Variants in ANK2 observed in about 807,000 individuals in gnomAD.
The protein encoded by ANK2 is ankyrin-2.
ANK2 carries 83 observed loss-of-function variants against 360.5 expected under a neutral mutation model. The observed-to-expected ratio is 0.23, with a 90% CI of 0.19 to 0.28. The LOEUF is 0.28. Among genes scored for constraint, ANK2 ranks in the 10% least tolerant of loss-of-function variants. ANK2 has a pLI of 1.00. For missense variants in ANK2, 4,201 were observed against 4,795.7 expected (o/e 0.88, Z 3.66); for synonymous variants, 1,740 against 1,759.5 (o/e 0.99, Z 0.28).
chr4:112,968,332 G>A (rs1383127168), intron 2 of ANK2, among the ~76,000 whole-genome samples: 2 of 152,122 alleles, frequency 1.3e-5, no homozygotes, highest in Non-Finnish European at 2.9e-5. Context: ...CATGGACCAG[G>A]CCCGTCCAAC....
chr4:113,212,059 C>T (rs1181956567), intron 4 of ANK2, among the ~76,000 whole-genome samples: 3 of 152,154 alleles, frequency 2.0e-5, no homozygotes, highest in Non-Finnish European at 4.4e-5. Context: ...TTTATTACAG[C>T]TTAATACATA....
chr4:113,050,298 GTGA>G (rs2066362641), intron 1 of ANK2, among the ~76,000 whole-genome samples: 1 of 152,172 alleles, frequency 6.6e-6, no homozygotes, highest in Non-Finnish European at 1.5e-5. Flanking sequence ...AAAGACTGCT[GTGA>G]CAGGAGAAAT....
intron 11 of ANK2, among the ~76,000 whole-genome samples, chr4:113,256,314 T>A (rs1004156982): frequency 1.3e-5 from 2 of 152,210 alleles, no homozygotes; most frequent in African/African-American, 2.4e-5. Context: ...AATTTATTAA[T>A]CTCTTTTTGG....
chr4:113,052,135 A>G (rs1265965437), intron 1 of ANK2, among the ~76,000 whole-genome samples: 2 of 152,212 alleles, frequency 1.3e-5, no homozygotes, highest in Admixed American at 6.5e-5. Flanking sequence ...ATTGTTTCAC[A>G]TTATTTTGCA....
intron 1 of ANK2, among the ~76,000 whole-genome samples, chr4:113,091,643 T>C (rs989432619): frequency 3.3e-5 from 5 of 152,248 alleles, no homozygotes; most frequent in African/African-American, 1.2e-4. Context: ...CAGTGCTTAT[T>C]ATGTGCCATC....
intron 26 of ANK2, among the ~76,000 whole-genome samples, chr4:113,320,235 G>A (rs1377867932): frequency 1.3e-5 from 2 of 152,138 alleles, no homozygotes; most frequent in Non-Finnish European, 2.9e-5. Flanking sequence ...TATGTGTTAA[G>A]ATAAAGATCT....
chr4:113,378,069 T>C, intron 45 of ANK2: 2 of 1,186,650 alleles, frequency 1.7e-6, no homozygotes, highest in Non-Finnish European at 1.1e-6. Flanking sequence ...AGCTTTGTCT[T>C]TTCTTTTCTT....
chr4:113,031,349 C>G (rs1445625634), intron 2 of ANK2: 1 of 151,984 alleles, frequency 6.6e-6, no homozygotes, highest in African/African-American at 2.4e-5. Flanking sequence ...TGAACCCATT[C>G]ATTCATCTTG....
At chr4:113,051,992 A>G (rs2067264167) in intron 1 of ANK2, among the ~76,000 whole-genome samples, 1 of 152,200 alleles carries the variant, frequency 6.6e-6, no homozygotes, top group Non-Finnish European at 1.5e-5. Flanking sequence ...GAAATGACAG[A>G]ATCCAATATT....
At chr4:113,291,504 GCAGA>G (rs2067554720) in intron 20 of ANK2, among the ~76,000 whole-genome samples, 1 of 152,200 alleles carries the variant, frequency 6.6e-6, no homozygotes, top group African/African-American at 2.4e-5. Flanking sequence ...GTTCCTATGG[GCAGA>G]CAGAGTGCAG....
chr4:112,826,082 T>C (rs551335373), intron 1 of ANK2, among the ~76,000 whole-genome samples: 1 of 152,336 alleles, frequency 6.6e-6, no homozygotes, highest in Non-Finnish European at 1.5e-5. Flanking sequence ...TAGCAGGTCC[T>C]GAATCCCATC....
intron 1 of ANK2, among the ~76,000 whole-genome samples, chr4:113,119,486 A>G (rs2095183221): frequency 6.6e-6 from 1 of 152,084 alleles, no homozygotes; most frequent in East Asian, 1.9e-4. Context: ...TCATACCTTA[A>G]GGTGTACATA....
intron 2 of ANK2, among the ~76,000 whole-genome samples, chr4:112,947,014 C>G (rs2094584076): frequency 6.6e-6 from 1 of 152,188 alleles, no homozygotes; most frequent in Non-Finnish European, 1.5e-5. Context: ...TGGTATGAAG[C>G]TGATGCAGAA....
At chr4:112,768,543 C>T in the ANK2 span, among the ~76,000 whole-genome samples, 2 of 151,982 alleles carry the variant, frequency 1.3e-5, no homozygotes, top group East Asian at 1.9e-4. Flanking sequence ...CATGAGCCAC[C>T]GCACCCGGCT....
At chr4:112,997,547 T>A (rs1354679) in intron 2 of ANK2, among the ~76,000 whole-genome samples, 1 of 151,856 alleles carries the variant, frequency 6.6e-6, no homozygotes, top group Non-Finnish European at 1.5e-5. Flanking sequence ...TTTTACTCCT[T>A]GTAGCTCATT....
intron 1 of ANK2, among the ~76,000 whole-genome samples, chr4:113,106,595 G>T (rs551843339): frequency 6.6e-6 from 1 of 152,168 alleles, no homozygotes; most frequent in Non-Finnish European, 1.5e-5. Flanking sequence ...TAAGCAGAAT[G>T]ATGCCCAAGT....
At chr4:113,124,452 C>T (rs143111657) in intron 1 of ANK2, among the ~76,000 whole-genome samples, 1 of 152,266 alleles carries the variant, frequency 6.6e-6, no homozygotes, top group African/African-American at 2.4e-5. Context: ...ATACTCCTAA[C>T]TCTTCAACTT....
chr4:112,892,863 C>T (rs1407556386), intron 1 of ANK2, among the ~76,000 whole-genome samples: 4 of 152,170 alleles, frequency 2.6e-5, no homozygotes, highest in Non-Finnish European at 4.4e-5. Flanking sequence ...CAAAACCAAT[C>T]GAACTCCAAG....
chr4:112,959,526 G>A (rs184045069), intron 2 of ANK2, among the ~76,000 whole-genome samples: 27 of 152,114 alleles, frequency 1.8e-4, no homozygotes, highest in Non-Finnish European at 3.2e-4. Flanking sequence ...GAAGGTTTGG[G>A]AACTTTGTGA....
Sources: allele counts gnomAD v4.1 joint callset (sites outside exome capture counted in the v4.1 genomes callset), GRCh38; gene constraint gnomAD v4.1.1; transcripts MANE v1.5; gene names NCBI Gene and HGNC (gene_info 2026-07-23, HGNC 2026-07-21).